The following ENAH variants were observed in gnomAD, a reference collection of about 807,000 sequenced individuals.
The protein encoded by ENAH is ENAH actin regulator.
A neutral mutation model predicts 78.7 loss-of-function variants in ENAH; 23 were observed. The observed-to-expected ratio is 0.29, with a 90% CI of 0.21 to 0.41. The LOEUF is 0.41. Ranked by LOEUF, ENAH falls within the 10% of genes least tolerant of loss-of-function variation. The pLI is 1.00. For synonymous variants in ENAH, 226 were observed against 241.0 expected (o/e 0.94, Z 0.58); for missense variants, 544 against 691.0 (o/e 0.79, Z 2.39).
chr1:225,635,911 C>T (rs539440850), intron 1 of ENAH, among the ~76,000 whole-genome samples: 1 of 152,322 alleles, frequency 6.6e-6, no homozygotes, highest in South Asian at 2.1e-4. Flanking sequence ...AACTGTAATA[C>T]AGAAATCCTC....
intron 3 of ENAH, among the ~76,000 whole-genome samples, chr1:225,545,893 A>T (rs1411111456): frequency 6.7e-6 from 1 of 148,602 alleles, no homozygotes; most frequent in African/African-American, 2.5e-5. Flanking sequence ...AGCTCTAATG[A>T]TTAGGACATC....
chr1:225,579,846 G>C (rs563674052), intron 1 of ENAH, among the ~76,000 whole-genome samples: 3 of 152,182 alleles, frequency 2.0e-5, no homozygotes, highest in Admixed American at 1.3e-4. Context: ...GAAAAATATT[G>C]ACTAGAAAAT....
chr1:225,493,809 AT>A lies in ENAH; in HGVS notation c.*3965del, dbSNP rs1486785609. 1 of 152,160 alleles carries A rather than the reference AT, an allele frequency of 6.6e-6. No homozygotes were observed. The highest frequency in any genetic ancestry group is 1.5e-5 in the Non-Finnish European group (1 of 68,014). 9.4% of individuals were successfully genotyped at this position (152,160 alleles called of 1,614,324 possible). On this transcript the variant is annotated 3_prime_UTR_variant, in exon 14 of 14. Transcript: ENST00000366843. ...ATAAAATTATAATGGCCACACAGGAATTAAAGAGACCTTGTAGCATACCTTT... is the reference window on the plus strand; with the variant it reads ...ATAAAATTATAATGGCCACACAGGAATAAAGAGACCTTGTAGCATACCTTT...
intron 1 of ENAH, among the ~76,000 whole-genome samples, chr1:225,640,837 G>C (rs975231133): frequency 2.7e-5 from 4 of 150,062 alleles, no homozygotes; most frequent in African/African-American, 9.8e-5. Flanking sequence ...AAGTTAATTA[G>C]CAAAGGAAAA....
chr1:225,582,228 G>C (rs2096822585), intron 1 of ENAH, among the ~76,000 whole-genome samples: 1 of 152,070 alleles, frequency 6.6e-6, no homozygotes, highest in South Asian at 2.1e-4. Flanking sequence ...CTTCCGCCAT[G>C]ACTGTAAGTT....
intron 1 of ENAH, among the ~76,000 whole-genome samples, chr1:225,651,702 T>G (rs1003126017): frequency 1.3e-5 from 2 of 152,162 alleles, no homozygotes; most frequent in Non-Finnish European, 2.9e-5. Flanking sequence ...GGATCAGCCT[T>G]CAGTCTACCA....
chr1:225,645,957 TG>T (rs1661879487), intron 1 of ENAH, among the ~76,000 whole-genome samples: 1 of 152,208 alleles, frequency 6.6e-6, no homozygotes, highest in African/African-American at 2.4e-5. Flanking sequence ...AAAAGTTGCC[TG>T]TTAATAAAAC....
intron 1 of ENAH, among the ~76,000 whole-genome samples, chr1:225,620,596 C>T (rs1656642605): frequency 1.3e-5 from 2 of 152,158 alleles, no homozygotes; most frequent in South Asian, 4.1e-4. Context: ...TTGATTCATT[C>T]TTGTTTTCAC....
At chr1:225,574,715 C>A (rs1178606599) in intron 1 of ENAH, among the ~76,000 whole-genome samples, 1 of 8,940 alleles carries the variant, frequency 1.1e-4, no homozygotes, top group Non-Finnish European at 1.9e-4. Flanking sequence ...TCCTGGGTAA[C>A]ACAGTGAAAC....
chr1:225,623,747 G>A (rs548216289), intron 1 of ENAH, among the ~76,000 whole-genome samples: 14 of 151,938 alleles, frequency 9.2e-5, no homozygotes, highest in Admixed American at 3.9e-4. Context: ...CACCACGCCC[G>A]GCTAATTTTT....
At chr1:225,594,069 T>C (rs2096890886) in intron 1 of ENAH, among the ~76,000 whole-genome samples, 3 of 152,194 alleles carry the variant, frequency 2.0e-5, no homozygotes, top group Admixed American at 2.0e-4. Context: ...GTGCCTGCCA[T>C]AAATGTTGGC....
At chr1:225,561,028 G>C (rs920496364) in intron 2 of ENAH, among the ~76,000 whole-genome samples, 2 of 152,074 alleles carry the variant, frequency 1.3e-5, no homozygotes, top group Non-Finnish European at 2.9e-5. Context: ...GATGTCAGGA[G>C]ATTGAGACCA....
At chr1:225,607,319 A>G (rs189039953) in intron 1 of ENAH, among the ~76,000 whole-genome samples, 19 of 152,340 alleles carry the variant, frequency 1.2e-4, no homozygotes, top group African/African-American at 3.4e-4. Context: ...ATCCTGGGCC[A>G]CATGTGGCCC....
At chr1:225,628,069 T>C (rs1658282239) in intron 1 of ENAH, among the ~76,000 whole-genome samples, 1 of 152,242 alleles carries the variant, frequency 6.6e-6, no homozygotes, top group South Asian at 2.1e-4. Context: ...AACCAGGCTT[T>C]CCTTCTTTCT....
chr1:225,653,548 C>T (rs1223197652), upstream of ENAH, among the ~76,000 whole-genome samples: 2 of 151,828 alleles, frequency 1.3e-5, no homozygotes, highest in Non-Finnish European at 1.5e-5. The surrounding 1 kb of genome is among the most constrained non-coding windows in gnomAD (Gnocchi z 4.3). Context: ...GCCTCCCCCA[C>T]GGCCACGGTG....
At chr1:225,610,841 C>T (rs113644598) in intron 1 of ENAH, among the ~76,000 whole-genome samples, 3,828 of 152,218 alleles carry the variant, frequency 0.025, 66 homozygotes, top group East Asian at 0.074. Context: ...AGAATATTCA[C>T]GACATTATAA....
chr1:225,639,017 T>C (rs1181466273), intron 1 of ENAH, among the ~76,000 whole-genome samples: 1 of 152,226 alleles, frequency 6.6e-6, no homozygotes, highest in Admixed American at 6.5e-5. Flanking sequence ...ATTTCACCTT[T>C]GCCCTGTCAG....
chr1:225,559,418 T>C (rs927802606), intron 2 of ENAH, among the ~76,000 whole-genome samples: 1 of 152,210 alleles, frequency 6.6e-6, no homozygotes, highest in Admixed American at 6.5e-5. Flanking sequence ...GGGAGGTAAT[T>C]GTATTGTTCA....
intron 1 of ENAH, among the ~76,000 whole-genome samples, chr1:225,645,415 C>CA (rs1245218710): frequency 1.3e-5 from 2 of 152,182 alleles, no homozygotes; most frequent in Non-Finnish European, 2.9e-5. Flanking sequence ...GGACATACCA[C>CA]ATTTTGATGA....
Sources: gnomAD v4.1 joint callset for allele counts (sites outside exome capture counted in the v4.1 genomes callset) on GRCh38, gnomAD v4.1.1 for gene constraint, Gnocchi (gnomAD v3.1) non-coding constraint, MANE v1.5 for transcripts, NCBI Gene and HGNC (gene_info 2026-07-23, HGNC 2026-07-21) for gene names.